Variants in COBL observed in about 807,000 individuals in gnomAD.
The protein encoded by COBL is protein cordon-bleu.
Under a neutral mutation model 98.8 loss-of-function variants are expected in COBL, and 51 were observed. That is an observed-to-expected ratio of 0.52 (90% CI 0.41 to 0.65). The LOEUF is 0.65. COBL is among the 30% of genes least tolerant of loss of function. The probability of loss-of-function intolerance (pLI) is 0.00; values close to 1 mark genes in which losing one functional copy is unlikely to be tolerated. For synonymous variants in COBL, 634 were observed against 651.7 expected (o/e 0.97, Z 0.41); for missense variants, 1,617 against 1,617.5 (o/e 1.00, Z 0.01).
At chr7:51,096,739 C>A (rs1795306505) in intron 6 of COBL, among the ~76,000 whole-genome samples, 1 of 151,936 alleles carries the variant, frequency 6.6e-6, no homozygotes. Context: ...AATTGGATAA[C>A]CTAGAAGAAA....
At chr7:51,189,607 C>A (rs2129055939) in intron 4 of COBL, among the ~76,000 whole-genome samples, 1 of 151,736 alleles carries the variant, frequency 6.6e-6, no homozygotes, top group East Asian at 1.9e-4. Flanking sequence ...GCACTACAGC[C>A]TGGGCTATAA....
rs544375912 is a variant in COBL at position 51,285,093 on chromosome 7, C to T, written c.41+31500G>A. ...TCCTAAGTAGCTGGGAAAACAGGAG[C>T]GTGCCAGCACACCTGGCTAATTTTT... On this transcript the variant is annotated intron_variant, in intron 1 of 12. Coordinates refer to ENST00000265136, the MANE Select transcript of COBL (RefSeq NM_015198.5). Among the ~76,000 whole-genome samples, 38 of 151,940 alleles carry T rather than the reference C, an allele frequency of 2.5e-4. No homozygotes were observed. The South Asian group carries it at 6.0e-3, about 24-fold the overall frequency.
chr7:51,315,711 G>C (rs1803498184), intron 1 of COBL, among the ~76,000 whole-genome samples: 1 of 152,254 alleles, frequency 6.6e-6, no homozygotes, highest in Admixed American at 6.5e-5. Flanking sequence ...TGCACCGCTG[G>C]CCGGGATGAG....
At chr7:51,209,357 G>C (rs1171819732) in intron 2 of COBL, among the ~76,000 whole-genome samples, 1 of 152,214 alleles carries the variant, frequency 6.6e-6, no homozygotes, top group Admixed American at 6.5e-5. Context: ...CAGTAAGGAA[G>C]ATACTAGACA....
At chr7:51,041,665 G>A (rs1789211375) in intron 8 of COBL, among the ~76,000 whole-genome samples, 1 of 151,662 alleles carries the variant, frequency 6.6e-6, no homozygotes, top group Non-Finnish European at 1.5e-5. Flanking sequence ...TGTATTTTTA[G>A]TAGAGATGAG....
chr7:51,256,503 C>T (rs1797209903), intron 1 of COBL, among the ~76,000 whole-genome samples: 1 of 152,212 alleles, frequency 6.6e-6, no homozygotes, highest in Non-Finnish European at 1.5e-5. Context: ...ACCACACCCA[C>T]GTGGGCCTGG....
At chr7:51,101,257 T>G (rs1384260262) in intron 6 of COBL, among the ~76,000 whole-genome samples, 1 of 152,236 alleles carries the variant, frequency 6.6e-6, no homozygotes, top group Non-Finnish European at 1.5e-5. Context: ...GGAGTTTGTG[T>G]TAGTTTAAGG....
At chr7:51,178,821 C>T (rs1011995734) in intron 5 of COBL, among the ~76,000 whole-genome samples, 2 of 152,158 alleles carry the variant, frequency 1.3e-5, no homozygotes, top group African/African-American at 4.8e-5. Flanking sequence ...GCTGGTCAGG[C>T]TGGTCTCCAA....
At position 51,277,822 on chromosome 7, in the gene COBL, C is replaced by T. The variant is rs974611131; in HGVS notation, c.41+38771G>A. Among the ~76,000 whole-genome samples the T allele has an allele frequency of 2.0e-5, 3 of 152,150 alleles. 1 individual carries two copies. Among genetic ancestry groups the T allele is most frequent in the Admixed American group, 2.0e-4 (3 of 15,282 alleles). The stretch of plus-strand genomic sequence containing the variant: ...GCCAGGTAAGAACACTCAAGAGGCA[C>T]AGCAGATGGACAGACAAGTCATGTC... On this transcript the variant is annotated intron_variant, in intron 1 of 12. Transcript: ENST00000265136.
chr7:51,298,326 T>A (rs535442556), intron 1 of COBL, among the ~76,000 whole-genome samples: 3 of 152,358 alleles, frequency 2.0e-5, no homozygotes, highest in East Asian at 3.9e-4. Context: ...TTAGGGAGAC[T>A]TGCTACGTAG....
chr7:51,288,662 G>A (rs1800599803), intron 1 of COBL, among the ~76,000 whole-genome samples: 1 of 152,034 alleles, frequency 6.6e-6, no homozygotes, highest in Non-Finnish European at 1.5e-5. Context: ...GCTGAGGCAG[G>A]AGAATCGCTT....
intron 5 of COBL, among the ~76,000 whole-genome samples, chr7:51,155,750 T>A (rs1786064098): frequency 6.6e-6 from 1 of 152,050 alleles, no homozygotes; most frequent in South Asian, 2.1e-4. Flanking sequence ...GGTATCCAAG[T>A]CAGTAAACCT....
At chr7:51,195,177 T>C (rs1208611602) in intron 2 of COBL, among the ~76,000 whole-genome samples, 1 of 152,224 alleles carries the variant, frequency 6.6e-6, no homozygotes. Context: ...TAATCCATCT[T>C]GAGTTATCTT....
chr7:51,024,429 C>T (rs1787294770), intron 12 of COBL, among the ~76,000 whole-genome samples: 1 of 152,186 alleles, frequency 6.6e-6, no homozygotes, highest in African/African-American at 2.4e-5. Flanking sequence ...AGGGTCAATC[C>T]ATTACTGAAT....
In COBL at chr7:51,029,538, C is replaced by G. The variant is rs142839981; in HGVS notation, c.1558G>C (p.Gly520Arg). 97 of 1,613,052 alleles carry G rather than the reference C, an allele frequency of 6.0e-5. No individual in the cohort carries two copies. The African/African-American group carries it at 1.2e-3, about 20-fold the overall frequency. Residue 520 changes from glycine to arginine, a missense_variant, in exon 10 of 13, where the codon GGT (glycine) becomes CGT (arginine). Gly to Arg is a moderately radical substitution (Grantham distance 125). Transcript: ENST00000265136. Reference protein sequence around the residue: ...DTSSLTSSIHGASNHCPQDAM... With the variant: ...DTSSLTSSIHRASNHCPQDAM... ...TCCTGTGGGCAGTGGTTGGATGCACCATGGATGGAGCTGGTGAGGGAGCTG... is the reference window on the plus strand; with the variant it reads ...TCCTGTGGGCAGTGGTTGGATGCACGATGGATGGAGCTGGTGAGGGAGCTG...
At chr7:51,087,889 G>T (rs1453438717) in intron 6 of COBL, among the ~76,000 whole-genome samples, 1 of 149,678 alleles carries the variant, frequency 6.7e-6, no homozygotes, top group Non-Finnish European at 1.5e-5. Context: ...CAAAATGTAA[G>T]AATGTTTTTA....
At chr7:51,300,299 T>G (rs1801816853) in intron 1 of COBL, among the ~76,000 whole-genome samples, 1 of 152,116 alleles carries the variant, frequency 6.6e-6, no homozygotes. Context: ...TAGCTGAGAT[T>G]ACAGGCACCC....
rs865786471 is a variant in COBL at position 51,164,924 on chromosome 7, G to A, written c.783+19178C>T. On this transcript the variant is annotated intron_variant, in intron 5 of 12. Transcript: ENST00000265136. ...ATTTTCTTTTTGCTTATTTGTTTAT[G>A]CAGCGTTATGTTCTAAAATAGTATT... Among the ~76,000 whole-genome samples, 4 of 152,042 alleles carry A rather than the reference G, an allele frequency of 2.6e-5. 1 individual carries two copies. Among genetic ancestry groups the A allele is most frequent in the African/African-American group, 7.2e-5 (3 of 41,554 alleles).
intron 6 of COBL, among the ~76,000 whole-genome samples, chr7:51,106,200 CAAA>C (rs61220710): frequency 0.036 from 3,729 of 102,774 alleles, 125 homozygotes; most frequent in African/African-American, 0.1. Flanking sequence ...CGAGATGTCT[CAAA>C]AAAAAAAAAA....
Sources: allele counts gnomAD v4.1 joint callset (sites outside exome capture counted in the v4.1 genomes callset), GRCh38; gene constraint gnomAD v4.1.1; transcripts MANE v1.5; gene names NCBI Gene and HGNC (gene_info 2026-07-23, HGNC 2026-07-21).